NRXN3: variants seen among roughly 807,000 people sequenced by gnomAD.
NRXN3 encodes the protein neurexin III.
NRXN3 carries 32 observed loss-of-function variants against 137.6 expected under a neutral mutation model. The ratio of observed to expected loss-of-function variants is 0.23; its 90% confidence interval spans 0.18 to 0.31. The LOEUF is 0.31. Among genes scored for constraint, NRXN3 ranks in the 10% least tolerant of loss-of-function variants. NRXN3 has a pLI of 1.00. For missense variants in NRXN3, 1,574 were observed against 2,062.5 expected, an observed-to-expected ratio of 0.76 and a Z score of 4.59; for synonymous variants, 798 against 784.5, an observed-to-expected ratio of 1.02 and a Z score of -0.29.
At position 79,224,326 on chromosome 14, in the gene NRXN3, G is replaced by A. The variant is rs577681188; in HGVS notation, c.3262+236185G>A. On this transcript the variant is annotated intron_variant, in intron 15 of 20. Coordinates refer to ENST00000335750, the MANE Select transcript of NRXN3 (RefSeq NM_001330195.2). ...TACAAAATAGAGATAGTGAGAATTG[G>A]ATTACCATTGTCAATATGAAGCACA... Among the ~76,000 whole-genome samples, 3 of 152,228 alleles carry A rather than the reference G, an allele frequency of 2.0e-5. No homozygotes were observed. The South Asian group carries it at 6.2e-4, about 32-fold the overall frequency.
intron 15 of NRXN3, among the ~76,000 whole-genome samples, chr14:79,050,647 G>A (rs17108575): frequency 0.32 from 49,124 of 152,068 alleles, 8,491 homozygotes; most frequent in Admixed American, 0.47. Context: ...TTTCAGGGCC[G>A]GTTGTAGCTC....
Position 78,495,809 on chromosome 14 carries a change from G to A in NRXN3, c.758-149311G>A, listed in dbSNP as rs112880179. Among the ~76,000 whole-genome samples the A allele has an allele frequency of 1.1e-4, 17 of 152,280 alleles. 1 individual carries two copies. Among genetic ancestry groups the A allele is most frequent in the African/African-American group, 3.6e-4 (15 of 41,564 alleles). On this transcript the variant is annotated intron_variant, in intron 4 of 20. Coordinates refer to ENST00000335750, the MANE Select transcript of NRXN3 (RefSeq NM_001330195.2). ...TTCTGGATCTCTGACCAGCACCAGG[G>A]CTGTTGGCCCTTGTTGCTGCCCCCA...
chr14:78,888,435 T>A (rs1289183513), intron 10 of NRXN3, among the ~76,000 whole-genome samples: 1 of 151,434 alleles, frequency 6.6e-6, no homozygotes, highest in African/African-American at 2.4e-5. Flanking sequence ...AAACTTATGG[T>A]TTGTTAGGGG....
intron 10 of NRXN3, among the ~76,000 whole-genome samples, chr14:78,899,328 T>G (rs1311274828): frequency 1.3e-5 from 2 of 151,962 alleles, no homozygotes; most frequent in African/African-American, 2.4e-5. Context: ...TGTGTTCTGG[T>G]TTTCTCCAAT....
chr14:78,522,880 G>T (rs2096305761), intron 4 of NRXN3, among the ~76,000 whole-genome samples: 1 of 152,110 alleles, frequency 6.6e-6, no homozygotes, highest in African/African-American at 2.4e-5. Context: ...GAACTATGGA[G>T]GGAAAAATAG....
intron 15 of NRXN3, among the ~76,000 whole-genome samples, chr14:79,004,850 G>A (rs1567961612): frequency 1.3e-5 from 2 of 152,016 alleles, no homozygotes; most frequent in Admixed American, 1.3e-4. Flanking sequence ...TTAAGGTCAC[G>A]TATTTTTTAT....
intron 16 of NRXN3, among the ~76,000 whole-genome samples, chr14:79,656,005 A>T (rs2098503728): frequency 1.3e-5 from 2 of 152,222 alleles, no homozygotes; most frequent in African/African-American, 4.8e-5. Flanking sequence ...ATGTCTAATG[A>T]GTCCGCTGGT....
chr14:79,147,922 T>C (rs1438527906), intron 15 of NRXN3, among the ~76,000 whole-genome samples: 3 of 152,114 alleles, frequency 2.0e-5, no homozygotes, highest in Admixed American at 1.3e-4. Flanking sequence ...GCGCTGAAAA[T>C]GGGAAAAGTA....
chr14:79,005,660 C>A (rs1289042280), intron 15 of NRXN3, among the ~76,000 whole-genome samples: 1 of 152,096 alleles, frequency 6.6e-6, no homozygotes, highest in Non-Finnish European at 1.5e-5. Context: ...CCAACGTGCC[C>A]TAAACTTTAT....
At chr14:79,433,982 T>G (rs954069258) in intron 15 of NRXN3, among the ~76,000 whole-genome samples, 7 of 152,182 alleles carry the variant, frequency 4.6e-5, no homozygotes, top group African/African-American at 1.4e-4. Flanking sequence ...GTCCTCACCT[T>G]AGACCCACTG....
At chr14:78,314,942 T>TTCCTTCCTTCCTTCCTTC (rs2078472613) in intron 4 of NRXN3, among the ~76,000 whole-genome samples, 2 of 60,646 alleles carry the variant, frequency 3.3e-5, no homozygotes, top group African/African-American at 7.0e-5. Context: ...TTTCTTTCTT[T>TTCCTTCCTTCCTTCCTTC]CTTCCTTCCT....
At chr14:78,553,228 G>A (rs2096709030) in intron 4 of NRXN3, among the ~76,000 whole-genome samples, 3 of 152,094 alleles carry the variant, frequency 2.0e-5, no homozygotes, top group African/African-American at 7.2e-5. Flanking sequence ...TCCCAAATAA[G>A]TACTGAGGGG....
intron 16 of NRXN3, among the ~76,000 whole-genome samples, chr14:79,524,169 G>A (rs2097096907): frequency 6.6e-6 from 1 of 152,228 alleles, no homozygotes; most frequent in Admixed American, 6.5e-5. Context: ...GATGTGGGAT[G>A]TTTCCAGTGG....
chr14:78,887,916 T>G (rs545539571), intron 10 of NRXN3, among the ~76,000 whole-genome samples: 1 of 152,212 alleles, frequency 6.6e-6, no homozygotes, highest in East Asian at 1.9e-4. Context: ...GTATCCAGAA[T>G]GCCTGGGATT....
At chr14:79,687,048 A>ATTTC (rs1012583780) in intron 17 of NRXN3, among the ~76,000 whole-genome samples, 1 of 152,152 alleles carries the variant, frequency 6.6e-6, no homozygotes, top group African/African-American at 2.4e-5. Flanking sequence ...CAAGACATTA[A>ATTTC]TTTCTTTACC....
intron 4 of NRXN3, among the ~76,000 whole-genome samples, chr14:78,368,513 G>A (rs1260639405): frequency 1.3e-5 from 2 of 152,148 alleles, no homozygotes; most frequent in Non-Finnish European, 2.9e-5. Flanking sequence ...CCAACATGGT[G>A]AAACCCCGTC....
intron 2 of NRXN3, among the ~76,000 whole-genome samples, chr14:78,245,465 G>T (rs1196509532): frequency 2.6e-5 from 4 of 152,130 alleles, no homozygotes; most frequent in Non-Finnish European, 5.9e-5. Context: ...GGCCAGGTGA[G>T]TGCCTTGCCA....
At position 78,916,581 on chromosome 14, in the gene NRXN3, C is replaced by T. The variant is rs1328214739; in HGVS notation, c.2276-40661C>T. Among the ~76,000 whole-genome samples the T allele has an allele frequency of 2.6e-5, 4 of 152,228 alleles. No individual in the cohort carries two copies. In the East Asian group the frequency reaches 7.7e-4, roughly 29 times the overall value. On this transcript the variant is annotated intron_variant, in intron 10 of 20. Transcript: ENST00000335750. ...ACCTGTTTGGATGGAGAATACAAAA[C>T]CAGGGGGGCTTGGGAGATGAGGTCC...
At chr14:79,256,172 GTCTC>G (rs111298626) in intron 15 of NRXN3, among the ~76,000 whole-genome samples, 19 of 145,362 alleles carry the variant, frequency 1.3e-4, no homozygotes, top group East Asian at 1.2e-3. Context: ...CTCTCTCTCT[GTCTC>G]TCTCTCTCTC....
Sources: gnomAD v4.1 joint callset for allele counts (sites outside exome capture counted in the v4.1 genomes callset) on GRCh38, gnomAD v4.1.1 for gene constraint, MANE v1.5 for transcripts, NCBI Gene and HGNC (gene_info 2026-07-23, HGNC 2026-07-21) for gene names.